Variants in SLC9A9 observed in about 807,000 individuals in gnomAD.
The protein encoded by SLC9A9 is solute carrier family 9 member A9.
A neutral mutation model predicts 77.8 loss-of-function variants in SLC9A9; 62 were observed. The observed-to-expected ratio is 0.80, with a 90% CI of 0.65 to 0.98. SLC9A9 has a LOEUF of 0.98. Among genes scored for constraint, SLC9A9 ranks in the 50% least tolerant of loss-of-function variants. SLC9A9 has a pLI of 0.00. For synonymous variants in SLC9A9, 320 were observed against 283.5 expected (o/e 1.13, Z -1.29); for missense variants, 775 against 774.9 (o/e 1.00, Z 0.00).
rs558572751 is a variant in SLC9A9, at chr3:143,596,747, C to T, written c.756-18024G>A. Among the ~76,000 whole-genome samples, 95 of 152,224 alleles carry T rather than the reference C, an allele frequency of 6.2e-4. No homozygotes were observed. The South Asian group carries it at 6.4e-3, about 10-fold the overall frequency. ...GCATGAATATGGCTAACTATAGCCT[C>T]GACCTCCTGGGCTCAAGTAATCCTC... On this transcript the variant is annotated intron_variant, in intron 6 of 15. Transcript: ENST00000316549.
chr3:143,727,165 T>C (rs1289758596), intron 4 of SLC9A9, among the ~76,000 whole-genome samples: 1 of 152,188 alleles, frequency 6.6e-6, no homozygotes, highest in Non-Finnish European at 1.5e-5. Context: ...TATTTAATAA[T>C]AAATATTCAT....
At chr3:143,479,461 C>T (rs1318816732) in intron 11 of SLC9A9, among the ~76,000 whole-genome samples, 1 of 151,980 alleles carries the variant, frequency 6.6e-6, no homozygotes, top group East Asian at 1.9e-4. Flanking sequence ...TTTTGTTGCC[C>T]AGGCTGGTCT....
intron 14 of SLC9A9, among the ~76,000 whole-genome samples, chr3:143,352,267 G>A (rs1465647816): frequency 2.6e-5 from 4 of 152,226 alleles, no homozygotes; most frequent in Non-Finnish European, 4.4e-5. Context: ...CTGGGAAGGG[G>A]CAGTGAGGAA....
chr3:143,735,138 T>A (rs1008724840), intron 4 of SLC9A9, among the ~76,000 whole-genome samples: 3 of 152,212 alleles, frequency 2.0e-5, no homozygotes, highest in Non-Finnish European at 4.4e-5. Flanking sequence ...CCTGTCCTTT[T>A]GGTAAAATAA....
intron 5 of SLC9A9, among the ~76,000 whole-genome samples, chr3:143,666,571 T>C (rs2039073856): frequency 6.6e-6 from 1 of 152,204 alleles, no homozygotes; most frequent in Non-Finnish European, 1.5e-5. Context: ...GACATGATTG[T>C]ATATTTAGAA....
At chr3:143,550,908 G>A (rs920259936) in intron 9 of SLC9A9, among the ~76,000 whole-genome samples, 22 of 152,232 alleles carry the variant, frequency 1.4e-4, no homozygotes, top group African/African-American at 5.3e-4. Flanking sequence ...CTTGTTATGG[G>A]CTGAACTGTG....
chr3:143,303,298 GT>G, intron 14 of SLC9A9, among the ~76,000 whole-genome samples: 1 of 152,186 alleles, frequency 6.6e-6, no homozygotes, highest in Non-Finnish European at 1.5e-5. Flanking sequence ...CAAATAGAAA[GT>G]GATATCTGAA....
chr3:143,270,108 TAGG>T (rs1937857517), intron 14 of SLC9A9, among the ~76,000 whole-genome samples: 2 of 152,172 alleles, frequency 1.3e-5, no homozygotes, highest in South Asian at 4.1e-4. Context: ...GGGAAGATGT[TAGG>T]AGGGCCTGCA....
chr3:143,440,583 T>G (rs1163159496), intron 12 of SLC9A9, among the ~76,000 whole-genome samples: 1 of 152,206 alleles, frequency 6.6e-6, no homozygotes, highest in Non-Finnish European at 1.5e-5. Flanking sequence ...ATGCTCTTCA[T>G]GTTCCACAGG....
chr3:143,534,628 G>A (rs1445032723), intron 9 of SLC9A9, among the ~76,000 whole-genome samples: 1 of 152,144 alleles, frequency 6.6e-6, no homozygotes, highest in Non-Finnish European at 1.5e-5. Context: ...CCCAGGAAGT[G>A]TCAGAAGGGC....
chr3:143,570,572 T>C (rs1371840473), intron 8 of SLC9A9, among the ~76,000 whole-genome samples: 1 of 152,176 alleles, frequency 6.6e-6, no homozygotes, highest in Admixed American at 6.6e-5. Context: ...TATTAAAACC[T>C]GTAAATAATC....
chr3:143,624,339 C>A (rs60999631), intron 6 of SLC9A9, among the ~76,000 whole-genome samples: 21,572 of 152,008 alleles, frequency 0.14, 1,786 homozygotes, highest in Middle Eastern at 0.18. Flanking sequence ...CCAATATCCC[C>A]GATGAATATC....
chr3:143,764,723 T>TGTTA (rs1553790199), intron 4 of SLC9A9, among the ~76,000 whole-genome samples: 2 of 152,040 alleles, frequency 1.3e-5, no homozygotes, highest in Admixed American at 1.3e-4. Context: ...TACCCAACTA[T>TGTTA]TTTATTTATT....
At chr3:143,502,235 A>C (rs534584804) in intron 9 of SLC9A9, among the ~76,000 whole-genome samples, 1 of 150,962 alleles carries the variant, frequency 6.6e-6, no homozygotes. Flanking sequence ...AGTTAAAAGT[A>C]ATCTTTGCTT....
In SLC9A9 at chr3:143,773,301, T is replaced by G. The variant is rs567338374; in HGVS notation, c.533+21700A>C. Among the ~76,000 whole-genome samples the G allele has an allele frequency of 2.6e-5, 4 of 152,222 alleles. No individual in the cohort carries two copies. In the East Asian group the frequency reaches 7.7e-4, roughly 29 times the overall value. On this transcript the variant is annotated intron_variant, in intron 4 of 15. Transcript: ENST00000316549. ...CTGGACATGGAGTTGGGAAGAGATG[T>G]TCAGTAGCACATTCTTAAGTTGCAT...
chr3:143,756,354 T>C (rs1001722591), intron 4 of SLC9A9, among the ~76,000 whole-genome samples: 5 of 152,176 alleles, frequency 3.3e-5, no homozygotes, highest in African/African-American at 1.2e-4. Flanking sequence ...GGCTTTAGCA[T>C]GAAAGGAAGG....
chr3:143,663,430 C>G (rs903322597), intron 5 of SLC9A9, among the ~76,000 whole-genome samples: 1 of 152,192 alleles, frequency 6.6e-6, no homozygotes, highest in African/African-American at 2.4e-5. Flanking sequence ...CGCAGCTTCT[C>G]GCCAACAACG....
At chr3:143,564,737 A>G (rs1358732344) in intron 8 of SLC9A9, among the ~76,000 whole-genome samples, 1 of 152,170 alleles carries the variant, frequency 6.6e-6, no homozygotes, top group Admixed American at 6.6e-5. Context: ...TAAGAACATC[A>G]ATATAGAAAA....
At chr3:143,510,436 G>T (rs2036098025) in intron 9 of SLC9A9, among the ~76,000 whole-genome samples, 1 of 152,152 alleles carries the variant, frequency 6.6e-6, no homozygotes, top group East Asian at 1.9e-4. Flanking sequence ...TCATTTTATA[G>T]AATGATTCTT....
Sources: gnomAD v4.1 joint callset for allele counts (sites outside exome capture counted in the v4.1 genomes callset) on GRCh38, gnomAD v4.1.1 for gene constraint, MANE v1.5 for transcripts, NCBI Gene and HGNC (gene_info 2026-07-23, HGNC 2026-07-21) for gene names.